SLC25A31: variants seen among roughly 807,000 people sequenced by gnomAD.
The protein encoded by SLC25A31 is ADP/ATP translocase 4.
A neutral mutation model predicts 36.2 loss-of-function variants in SLC25A31; 40 were observed. The ratio of observed to expected loss-of-function variants is 1.10; its 90% CI spans 0.86 to 1.44. The LOEUF is 1.44. Ranked by LOEUF, SLC25A31 falls within the 40% of genes most tolerant of loss-of-function variation. The pLI is 0.00. For missense variants in SLC25A31, 350 were observed against 397.1 expected (o/e 0.88, Z 1.01); for synonymous variants, 143 against 149.7 (o/e 0.96, Z 0.32).
intron 1 of SLC25A31, among the ~76,000 whole-genome samples, chr4:127,742,148 T>C (rs1731744093): frequency 6.6e-6 from 1 of 152,238 alleles, no homozygotes; most frequent in Non-Finnish European, 1.5e-5. Context: ...TTGTAGTCTC[T>C]ATTTCATTTA....
chr4:127,751,963 T>C (rs1224838484), intron 2 of SLC25A31, among the ~76,000 whole-genome samples: 1 of 152,214 alleles, frequency 6.6e-6, no homozygotes, highest in East Asian at 1.9e-4. Flanking sequence ...ACTTTGACAC[T>C]GTTGGTGGGA....
At chr4:127,738,507 G>A (rs1731674373) in intron 1 of SLC25A31, among the ~76,000 whole-genome samples, 1 of 152,142 alleles carries the variant, frequency 6.6e-6, no homozygotes, top group African/African-American at 2.4e-5. Flanking sequence ...TTGTATTTAT[G>A]GAGACTTGCT....
chr4:127,754,882 C>G (rs1732000968), intron 2 of SLC25A31, among the ~76,000 whole-genome samples: 1 of 152,148 alleles, frequency 6.6e-6, no homozygotes, highest in Non-Finnish European at 1.5e-5. Flanking sequence ...AGCTATCATA[C>G]CACCTGGTTT....
intron 1 of SLC25A31, among the ~76,000 whole-genome samples, chr4:127,740,340 A>G (rs948010886): frequency 4.0e-5 from 6 of 151,838 alleles, no homozygotes; most frequent in Non-Finnish European, 8.8e-5. Context: ...ACTTTGCTCT[A>G]TAACCCTTGG....
At chr4:127,756,950 A>G (rs1469027916) in intron 2 of SLC25A31, among the ~76,000 whole-genome samples, 1 of 152,148 alleles carries the variant, frequency 6.6e-6, no homozygotes, top group Admixed American at 6.5e-5. Flanking sequence ...GCATGTTTAC[A>G]CTTTTGGGTG....
rs1161321979 is a variant in SLC25A31 at position 127,773,959 on chromosome 4, A to G, written c.*385A>G. ...CTGTTTTCCCATCTTTTGAAGTCAT[A>G]TGGTATGACATATTTCTTAAAAGCT... On this transcript the variant is annotated 3_prime_UTR_variant, in exon 6 of 6. Coordinates refer to ENST00000281154, the MANE Select transcript of SLC25A31 (RefSeq NM_031291.4). The G allele has an allele frequency of 6.3e-6, 1 of 158,134 alleles. No homozygotes were observed. Among genetic ancestry groups the G allele is most frequent in the Non-Finnish European group, 1.4e-5 (1 of 72,146 alleles). 9.8% of individuals were successfully genotyped at this position (158,134 alleles called of 1,614,324 possible). A position where few individuals can be genotyped will look rare whatever the true frequency, so the allele number is the denominator to read the frequency against.
intron 3 of SLC25A31, among the ~76,000 whole-genome samples, chr4:127,766,214 C>A (rs2148764516): frequency 6.6e-6 from 1 of 150,984 alleles, no homozygotes; most frequent in South Asian, 2.1e-4. Context: ...GTCACCCAGG[C>A]TGGAGTACAG....
intron 2 of SLC25A31, among the ~76,000 whole-genome samples, chr4:127,758,649 A>G (rs533545316): frequency 2.6e-5 from 4 of 152,272 alleles, no homozygotes; most frequent in East Asian, 3.9e-4. Flanking sequence ...ATGTTTGTAT[A>G]TGGTGAAGGG....
At chr4:127,769,284 A>T (rs1732305262) in intron 5 of SLC25A31, among the ~76,000 whole-genome samples, 1 of 152,210 alleles carries the variant, frequency 6.6e-6, no homozygotes, top group Non-Finnish European at 1.5e-5. Flanking sequence ...AAGGACAAAA[A>T]CTTGTTTGTC....
intron 2 of SLC25A31, among the ~76,000 whole-genome samples, chr4:127,760,098 A>G (rs1732099425): frequency 6.6e-6 from 1 of 152,188 alleles, no homozygotes; most frequent in Non-Finnish European, 1.5e-5. Flanking sequence ...TAAACACACA[A>G]CTGAGTCATG....
intron 1 of SLC25A31, among the ~76,000 whole-genome samples, chr4:127,741,583 A>C (rs1468610293): frequency 2.0e-5 from 3 of 152,196 alleles, no homozygotes; most frequent in African/African-American, 7.2e-5. Flanking sequence ...ATTGTGGTGA[A>C]TGATCCTTTT....
At chr4:127,769,171 A>G (rs138339483) in intron 5 of SLC25A31, among the ~76,000 whole-genome samples, 1 of 152,270 alleles carries the variant, frequency 6.6e-6, no homozygotes, top group African/African-American at 2.4e-5. Context: ...GTCTATCTTA[A>G]CTGAAATATT....
chr4:127,738,614 C>CT (rs1731676607), intron 1 of SLC25A31, among the ~76,000 whole-genome samples: 1 of 152,060 alleles, frequency 6.6e-6, no homozygotes, highest in African/African-American at 2.4e-5. Context: ...CTATAGATGT[C>CT]TATTAGGTTC....
intron 1 of SLC25A31, among the ~76,000 whole-genome samples, chr4:127,740,462 G>C (rs1731711998): frequency 1.3e-5 from 2 of 152,178 alleles, no homozygotes; most frequent in South Asian, 4.1e-4. Context: ...CTACAGGCCA[G>C]TAGATAGCAT....
intron 1 of SLC25A31, among the ~76,000 whole-genome samples, chr4:127,739,122 G>T (rs1731687576): frequency 6.6e-6 from 1 of 152,038 alleles, no homozygotes; most frequent in African/African-American, 2.4e-5. Flanking sequence ...GATATATGAG[G>T]TTTTGATCAT....
At chr4:127,743,134 T>C (rs976040748) in intron 1 of SLC25A31, among the ~76,000 whole-genome samples, 9 of 150,078 alleles carry the variant, frequency 6.0e-5, no homozygotes, top group African/African-American at 1.7e-4. Context: ...TCTTTTCTTT[T>C]TTTTTTTTTT....
chr4:127,770,498 C>T (rs1195409089), intron 5 of SLC25A31, among the ~76,000 whole-genome samples: 4 of 151,714 alleles, frequency 2.6e-5, no homozygotes, highest in Admixed American at 6.6e-5. Flanking sequence ...TGGTGGCGGG[C>T]GCCTGTAGTC....
At chr4:127,758,828 A>G (rs1254942839) in intron 2 of SLC25A31, among the ~76,000 whole-genome samples, 1 of 152,100 alleles carries the variant, frequency 6.6e-6, no homozygotes, top group African/African-American at 2.4e-5. Flanking sequence ...CCATTGGTCT[A>G]TGTGTCTGTT....
At chr4:127,755,583 T>G (rs2148760238) in intron 2 of SLC25A31, among the ~76,000 whole-genome samples, 1 of 152,256 alleles carries the variant, frequency 6.6e-6, no homozygotes, top group South Asian at 2.1e-4. Context: ...TAAAACCGCT[T>G]TGAAATATCA....
Sources: allele counts gnomAD v4.1 joint callset (sites outside exome capture counted in the v4.1 genomes callset), GRCh38; gene constraint gnomAD v4.1.1; transcripts MANE v1.5; gene names NCBI Gene and HGNC (gene_info 2026-07-23, HGNC 2026-07-21).